Variants in MGAT4A observed in about 807,000 individuals in gnomAD.
The protein encoded by MGAT4A is N-acetylglucosaminyltransferase IVa.
Under a neutral mutation model 74.1 loss-of-function variants are expected in MGAT4A, and 33 were observed. The observed-to-expected ratio is 0.45, with a 90% CI of 0.34 to 0.60. The LOEUF (loss-of-function observed/expected upper bound fraction) is 0.60, where lower values mean the gene tolerates loss of function less well. MGAT4A is among the 20% of genes least tolerant of loss of function. The probability of loss-of-function intolerance (pLI) is 0.02; values close to 1 mark genes in which losing one functional copy is unlikely to be tolerated. For missense variants in MGAT4A, 479 were observed against 628.3 expected (o/e 0.76, Z 2.54); for synonymous variants, 198 against 210.4 (o/e 0.94, Z 0.51).
chr2:98,697,108 T>C (rs1207255294), intron 2 of MGAT4A, among the ~76,000 whole-genome samples: 2 of 152,162 alleles, frequency 1.3e-5, no homozygotes, highest in East Asian at 1.9e-4. Context: ...CTAAAAGTAA[T>C]ATAAATAGTC....
At position 98,691,523 on chromosome 2, in the gene MGAT4A, T is replaced by A. The variant is rs149781914; in HGVS notation, c.95-13052A>T. Among the ~76,000 whole-genome samples, 138 of 152,298 alleles carry A rather than the reference T, an allele frequency of 9.1e-4. No homozygotes were observed. In the Middle Eastern group the frequency reaches 0.01, roughly 11 times the overall value. The stretch of plus-strand genomic sequence containing the variant: ...CATTGTAACAGCATAACACAATGCA[T>A]GACTCACATGGATGTGGTGATGTTG... On this transcript the variant is annotated intron_variant, in intron 2 of 15. Transcript: ENST00000393487.
Position 98,639,969 on chromosome 2 carries a change from T to C in MGAT4A, c.1161A>G (p.Lys387=), listed in dbSNP as rs763652882. 1.2e-6 allele frequency: 2 copies of C among 1,613,728 alleles called. No homozygotes were observed. Among genetic ancestry groups the C allele is most frequent in the Non-Finnish European group, 1.7e-6 (2 of 1,179,850 alleles). Reference sequence around the variant, plus strand: ...CCTCCGCAGGTGGGTTTACATGGATTTTAAGAAGTAATGGTTTCATATAAT... The same window carrying C: ...CCTCCGCAGGTGGGTTTACATGGATCTTAAGAAGTAATGGTTTCATATAAT... The part of the protein sequence containing the change: ...DKDYMKPLLL[K]IHVNPPAEVS... The change falls in exon 12 of 16, where the codon AAA becomes AAG. Residue 387 remains lysine, a synonymous_variant. Coordinates refer to ENST00000393487, the MANE Select transcript of MGAT4A (RefSeq NM_012214.3).
intron 10 of MGAT4A, among the ~76,000 whole-genome samples, chr2:98,642,286 TG>T (rs1701422310): frequency 6.6e-6 from 1 of 151,720 alleles, no homozygotes; most frequent in Non-Finnish European, 1.5e-5. Flanking sequence ...GTCACTCCAG[TG>T]GCAATGGAAG....
intron 4 of MGAT4A, chr2:98,663,531 G>A: frequency 8.2e-7 from 1 of 1,223,576 alleles, no homozygotes; most frequent in African/African-American, 1.5e-5. Flanking sequence ...TCGACTTCAA[G>A]CATGTGACAT....
At position 98,726,255 on chromosome 2, in the gene MGAT4A, T is replaced by C. The variant is rs370095030; in HGVS notation, c.78A>G (p.Thr26=). ...TTTCCTTACCTTTCCCATTTTGCCA[T>C]GTAGTATACCAAGACAAAGTAAGGA... ...TSFLTLSWYT[T]WQNGKEKLIA... The change falls in exon 2 of 16, where the codon ACA becomes ACG. Residue 26 remains threonine, a synonymous_variant. Transcript: ENST00000393487. The C allele has an allele frequency of 2.9e-5, 46 of 1,613,488 alleles. No individual in the cohort carries two copies. Among genetic ancestry groups the C allele is most frequent in the Middle Eastern group, 1.6e-4 (1 of 6,082 alleles).
intron 8 of MGAT4A, among the ~76,000 whole-genome samples, chr2:98,646,368 G>C (rs961691597): frequency 2.0e-5 from 3 of 152,016 alleles, no homozygotes; most frequent in African/African-American, 4.8e-5. Context: ...CCAGATCTGG[G>C]ATAGGAAATG....
chr2:98,621,315 C>G lies in MGAT4A; in HGVS notation c.*4251G>C, dbSNP rs72935502. 4.6e-5 allele frequency: 66 copies of G among 1,435,824 alleles called. No individual in the cohort carries two copies. The African/African-American group carries it at 8.9e-4, about 19-fold the overall frequency. 88.9% of individuals were successfully genotyped at this position (1,435,824 alleles called of 1,614,324 possible). ...CCAAGCCTATGAATGAGCTTATGGG[C>G]TGAATTCAGTTCCCGTGGCTGTAGG... On this transcript the variant is annotated 3_prime_UTR_variant, in exon 16 of 16. Coordinates refer to ENST00000393487, the MANE Select transcript of MGAT4A (RefSeq NM_012214.3).
At chr2:98,690,850 CA>C (rs1470327384) in intron 2 of MGAT4A, among the ~76,000 whole-genome samples, 1 of 151,262 alleles carries the variant, frequency 6.6e-6, no homozygotes, top group East Asian at 1.9e-4. Context: ...ATAATTGAAA[CA>C]AAAAAAACTT....
Position 98,624,868 on chromosome 2 carries a change from G to A in MGAT4A, c.*698C>T. 1.0e-6 allele frequency: 1 copy of A among 984,902 alleles called. No individual in the cohort carries two copies. The highest frequency in any genetic ancestry group is 4.7e-5 in the South Asian group (1 of 21,274). The allele number at this position is 984,902 out of a possible 1,614,324, so 61.0% of individuals were successfully genotyped here. A position where few individuals can be genotyped will look rare whatever the true frequency, so the allele number is the denominator to read the frequency against. On this transcript the variant is annotated 3_prime_UTR_variant, in exon 16 of 16. Transcript: ENST00000393487. ...TAGTCTTTAAAATCTTGGCTTTAAG[G>A]AATGACAAATGTCTTTGAAAATATT...
At chr2:98,724,844 C>T (rs1425216085) in intron 2 of MGAT4A, among the ~76,000 whole-genome samples, 3 of 151,028 alleles carry the variant, frequency 2.0e-5, no homozygotes, top group Middle Eastern at 3.2e-3. Flanking sequence ...ATTTCATAAA[C>T]AGACTTTTAA....
chr2:98,675,038 C>T lies in MGAT4A; in HGVS notation c.400G>A (p.Gly134Arg). ...GTAAGAAACAAAATAAACATACCTC[C>T]TGTTCTTCCGTTGCCAATCTGTACA... is the stretch of plus-strand genomic sequence containing the variant. Reference protein sequence around the residue: ...PAVQIGNGRTGVSIVMGIPTV... With the variant: ...PAVQIGNGRTRVSIVMGIPTV... Residue 134 changes from glycine (G) to arginine (R), a missense_variant, in exon 4 of 16, where the codon GGA (glycine) becomes AGA (arginine). This residue lies in a region of MGAT4A where 205 missense variants were observed against 232.7 expected (regional missense o/e 0.88). Transcript: ENST00000393487. 6.2e-7 allele frequency: 1 copy of T among 1,608,556 alleles called. No individual in the cohort carries two copies. The highest frequency in any genetic ancestry group is 8.5e-7 in the Non-Finnish European group (1 of 1,178,688).
At chr2:98,630,296 GA>G in intron 14 of MGAT4A, among the ~76,000 whole-genome samples, 1 of 152,310 alleles carries the variant, frequency 6.6e-6, no homozygotes, top group South Asian at 2.1e-4. Context: ...TCACGTGGAT[GA>G]ATCTCACAAT....
chr2:98,645,567 T>G (rs774632282), intron 8 of MGAT4A, 25 bp from the exon 9 acceptor site: 1 of 1,454,054 alleles, frequency 6.9e-7, no homozygotes, highest in Admixed American at 2.4e-5. Context: ...ACAATCATAT[T>G]AATACATCAA....
intron 7 of MGAT4A, 113 bp downstream of exon 7, chr2:98,656,239 G>C (rs750552149): frequency 8.7e-6 from 7 of 805,524 alleles, no homozygotes; most frequent in Non-Finnish European, 1.5e-5. Flanking sequence ...GACTTACCTA[G>C]AATATTTTAC....
rs1214241765 is a variant in MGAT4A, at chr2:98,726,340, C to T, written c.-8G>A. 6.2e-7 allele frequency: 1 copy of T among 1,609,484 alleles called. No homozygotes were observed. The highest frequency in any genetic ancestry group is 1.1e-5 in the South Asian group (1 of 90,918). On this transcript the variant is annotated 5_prime_UTR_variant, in exon 2 of 16. Transcript: ENST00000393487. ...TCCATTGCGGAGCCTCATCTCATTT[C>T]ACCATCACACTGGTCCATATGTTTA... is the stretch of plus-strand genomic sequence containing the variant.
At chr2:98,635,144 A>G in intron 14 of MGAT4A, 78 bp downstream of exon 14, 1 of 1,086,214 alleles carries the variant, frequency 9.2e-7, no homozygotes, top group Non-Finnish European at 1.4e-6. Flanking sequence ...CAAGTTGCTT[A>G]ACATCTGAAA....
intron 4 of MGAT4A, among the ~76,000 whole-genome samples, chr2:98,668,505 G>T (rs1363248849): frequency 6.6e-6 from 1 of 152,222 alleles, no homozygotes; most frequent in East Asian, 1.9e-4. Context: ...TCAGTTAGAA[G>T]TTTGCTGCAG....
intron 2 of MGAT4A, among the ~76,000 whole-genome samples, chr2:98,709,010 C>A (rs748738187): frequency 6.6e-6 from 1 of 152,216 alleles, no homozygotes; most frequent in Non-Finnish European, 1.5e-5. Flanking sequence ...CCGATTCAGG[C>A]TGTACACCCC....
chr2:98,666,693 A>C (rs1294109863), intron 4 of MGAT4A, among the ~76,000 whole-genome samples: 1 of 143,708 alleles, frequency 7.0e-6, no homozygotes, highest in African/African-American at 2.5e-5. Context: ...ACCCTGTCTC[A>C]AAAAAAAAAA....
Sources: allele counts gnomAD v4.1 joint callset (sites outside exome capture counted in the v4.1 genomes callset), GRCh38; gene constraint gnomAD v4.1.1; regional missense constraint gnomAD v4.1.1; transcripts MANE v1.5; gene names NCBI Gene and HGNC (gene_info 2026-07-23, HGNC 2026-07-21).